TMEM130: variants seen among roughly 807,000 people sequenced by gnomAD.
TMEM130 encodes the protein transmembrane protein 130.
Under a neutral mutation model 42.9 loss-of-function variants are expected in TMEM130, and 37 were observed. That is an observed-to-expected ratio of 0.86 (90% CI 0.66 to 1.13). The LOEUF (loss-of-function observed/expected upper bound fraction) is 1.13, where lower values mean the gene tolerates loss of function less well. Among genes scored for constraint, TMEM130 ranks in the 50% most tolerant of loss-of-function variants. The probability of loss-of-function intolerance (pLI) is 0.00; values close to 1 mark genes in which losing one functional copy is unlikely to be tolerated. For synonymous variants in TMEM130, 259 were observed against 237.7 expected (o/e 1.09, Z -0.82); for missense variants, 545 against 562.6 (o/e 0.97, Z 0.32).
Position 98,850,273 on chromosome 7 carries a change from A to ATTTT in TMEM130, c.1006+1144_1006+1147dup, listed in dbSNP as rs1554398023. Among the ~76,000 whole-genome samples, 41 of 35,474 alleles carry ATTTT rather than the reference A, an allele frequency of 1.2e-3. 1 individual carries two copies. The highest frequency in any genetic ancestry group is 2.9e-3 in the African/African-American group (38 of 13,130). 23.3% of individuals were successfully genotyped at this position (35,474 alleles called of 152,430 possible). On this transcript the variant is annotated intron_variant, in intron 6 of 7. Transcript: ENST00000339375. ...CTCATATATATATATATATATATAT[A>ATTTT]TTTTTTTTTTTTTTTAATTTTTTGA...
chr7:98,869,392 G>A lies in TMEM130; in HGVS notation c.85+385C>T. The A allele has an allele frequency of 8.4e-7, 1 of 1,196,884 alleles. No homozygotes were observed. The highest frequency in any genetic ancestry group is 1.0e-6 in the Non-Finnish European group (1 of 952,456). 74.1% of individuals were successfully genotyped at this position (1,196,884 alleles called of 1,614,324 possible). A position where few individuals can be genotyped will look rare whatever the true frequency, so the allele number is the denominator to read the frequency against. On this transcript the variant is annotated intron_variant, in intron 1 of 7. Transcript: ENST00000339375. The surrounding 1 kb of genome is among the most constrained non-coding windows in gnomAD (Gnocchi z 4.7). Reference sequence around the variant, plus strand: ...ATCCCGTGCTCCCTGGGGGACTGGGGAATTGTGGCGCGATGACGGACCCTG... The same window carrying A: ...ATCCCGTGCTCCCTGGGGGACTGGGAAATTGTGGCGCGATGACGGACCCTG...
chr7:98,857,661 CTG>C (rs1357558870), intron 3 of TMEM130, among the ~76,000 whole-genome samples: 1 of 151,214 alleles, frequency 6.6e-6, no homozygotes, highest in African/African-American at 2.4e-5. Context: ...GATCACGCCA[CTG>C]CACTCCAGCC....
In TMEM130 at chr7:98,869,018, G is replaced by A. The variant is rs1228205242; in HGVS notation, c.85+759C>T. Reference sequence around the variant, plus strand: ...TTTATGAGGGGGGAGGGGGTGAAAAGTGGTGGATAGTATTCAACCTTCTTA... The same window carrying A: ...TTTATGAGGGGGGAGGGGGTGAAAAATGGTGGATAGTATTCAACCTTCTTA... On this transcript the variant is annotated intron_variant, in intron 1 of 7. Coordinates refer to ENST00000339375, the MANE Select transcript of TMEM130 (RefSeq NM_152913.3). The surrounding 1 kb of genome is among the most constrained non-coding windows in gnomAD (Gnocchi z 4.7). 6.6e-6 allele frequency among the ~76,000 whole-genome samples: 1 copy of A among 152,188 alleles called. No homozygotes were observed. The highest frequency in any genetic ancestry group is 1.5e-5 in the Non-Finnish European group (1 of 68,030).
At position 98,869,695 on chromosome 7, in the gene TMEM130, C is replaced by A. The variant is rs973970283; in HGVS notation, c.85+82G>T. On this transcript the variant is annotated intron_variant, in intron 1 of 7. Transcript: ENST00000339375. The surrounding 1 kb of genome is among the most constrained non-coding windows in gnomAD (Gnocchi z 4.7). ...GGTGCCACCTCCGCAATCCCTGCTC[C>A]CGGGCCCACTCGCCCGCTGAGACGG... The A allele has an allele frequency of 3.7e-6, 4 of 1,077,054 alleles. No homozygotes were observed. In the African/African-American group the frequency reaches 6.6e-5, roughly 18 times the overall value. The allele number at this position is 1,077,054 out of a possible 1,614,324, so 66.7% of individuals were successfully genotyped here.
intron 2 of TMEM130, among the ~76,000 whole-genome samples, chr7:98,862,489 T>TTC (rs1333249494): frequency 1.5e-4 from 2 of 13,416 alleles, no homozygotes; most frequent in African/African-American, 1.8e-4. Flanking sequence ...AATAATTTCT[T>TTC]TTTTTTTTTT....
Position 98,846,564 on chromosome 7 carries a change from A to G in TMEM130, c.*1492T>C, listed in dbSNP as rs1160607569. 1.3e-5 allele frequency: 2 copies of G among 152,226 alleles called. No homozygotes were observed. The highest frequency in any genetic ancestry group is 2.4e-5 in the African/African-American group (1 of 41,460). 9.4% of individuals were successfully genotyped at this position (152,226 alleles called of 1,614,324 possible). A position where few individuals can be genotyped will look rare whatever the true frequency, so the allele number is the denominator to read the frequency against. ...AGTATTTCATGAGAATGAGCTGCAC[A>G]ATAGTGTAAATGCCATTTTCTGCAC... On this transcript the variant is annotated 3_prime_UTR_variant, in exon 8 of 8. Transcript: ENST00000339375.
At chr7:98,848,762 C>T in intron 6 of TMEM130, 67 bp from the exon 7 acceptor site, 1 of 1,102,650 alleles carries the variant, frequency 9.1e-7, no homozygotes. Flanking sequence ...TCTCAGGAAG[C>T]AAGCACAACA....
Position 98,864,495 on chromosome 7 carries a change from G to A in TMEM130, c.86-1095C>T, listed in dbSNP as rs182075913. On this transcript the variant is annotated intron_variant, in intron 1 of 7. Coordinates refer to ENST00000339375, the MANE Select transcript of TMEM130 (RefSeq NM_152913.3). ...GCCTCCCAAAGTGCTGGGATTACAG[G>A]CATGAGCCAGCGTCCTCAACCACAT... Among the ~76,000 whole-genome samples the A allele has an allele frequency of 5.7e-4, 85 of 150,378 alleles. 1 individual carries two copies. The highest frequency in any genetic ancestry group is 1.9e-4 in the Non-Finnish European group (13 of 67,776).
intron 1 of TMEM130, 22 bp from the exon 2 acceptor site, chr7:98,863,422 C>A: frequency 6.5e-7 from 1 of 1,547,548 alleles, no homozygotes; most frequent in Non-Finnish European, 8.7e-7. Context: ...GAAACAAAGA[C>A]TGTGTTTCAG....
At chr7:98,867,142 C>T (rs1260349502) in intron 1 of TMEM130, among the ~76,000 whole-genome samples, 1 of 151,990 alleles carries the variant, frequency 6.6e-6, no homozygotes, top group Non-Finnish European at 1.5e-5. Context: ...GTCAAGATGC[C>T]GAGAGCTGGT....
chr7:98,854,755 G>C (rs911620674), intron 5 of TMEM130, among the ~76,000 whole-genome samples: 1 of 151,964 alleles, frequency 6.6e-6, no homozygotes. Context: ...GCAAATAAAG[G>C]CCAGACGCAG....
At chr7:98,859,024 A>C (rs1794695440) in intron 3 of TMEM130, among the ~76,000 whole-genome samples, 1 of 144,282 alleles carries the variant, frequency 6.9e-6, no homozygotes, top group Non-Finnish European at 1.5e-5. Context: ...GGGGGAAGGA[A>C]GGAAGGAAGG....
intron 6 of TMEM130, among the ~76,000 whole-genome samples, chr7:98,850,273 A>ATATATTTTTTTTTTTTTTTTTTTT: frequency 1.7e-4 from 6 of 35,470 alleles, no homozygotes; most frequent in East Asian, 7.7e-4. Flanking sequence ...ATATATATAT[A>ATATATTTTTTTTTTTTTTTTTTTT]TTTTTTTTTT....
At chr7:98,853,163 C>T (rs575242335) in intron 5 of TMEM130, among the ~76,000 whole-genome samples, 1 of 152,142 alleles carries the variant, frequency 6.6e-6, no homozygotes, top group Non-Finnish European at 1.5e-5. Flanking sequence ...CTGCTAAACC[C>T]ACAGGGCTTC....
At chr7:98,855,438 G>T in intron 4 of TMEM130, 114 bp from the exon 5 acceptor site, 1 of 944,616 alleles carries the variant, frequency 1.1e-6, no homozygotes, top group Non-Finnish European at 1.6e-6. Flanking sequence ...CCTCTCCTAA[G>T]AGCAGGCCAC....
At position 98,851,505 on chromosome 7, in the gene TMEM130, G is replaced by A. The variant is rs1554398216; in HGVS notation, c.922C>T (p.Pro308Ser). Reference protein sequence around the residue: ...AYNLTHTFRDPGDYCFSIRAE... With the variant: ...AYNLTHTFRDSGDYCFSIRAE... ...CGGATGCTGAAGCAGTAGTCCCCAG[G>A]GTCCCTGAAGGTGTGGGTCAGGTTG... Residue 308 changes from proline to serine, a missense_variant, in exon 6 of 8, where the codon CCT becomes TCT. Coordinates refer to ENST00000339375, the MANE Select transcript of TMEM130 (RefSeq NM_152913.3). 6.2e-7 allele frequency: 1 copy of A among 1,614,088 alleles called. No individual in the cohort carries two copies. Among genetic ancestry groups the A allele is most frequent in the African/African-American group, 1.3e-5 (1 of 74,992 alleles).
rs1438630651 is a variant in TMEM130, at chr7:98,869,981, G to A, written c.-120C>T. 1.7e-6 allele frequency: 1 copy of A among 603,734 alleles called. No individual in the cohort carries two copies. The highest frequency in any genetic ancestry group is 2.4e-6 in the Non-Finnish European group (1 of 418,980). 37.4% of individuals were successfully genotyped at this position (603,734 alleles called of 1,614,324 possible). The stretch of plus-strand genomic sequence containing the variant: ...GCGGGCGGTGCGGGGAGGTGCGGGC[G>A]CCGTGCTCGCTCGTCCTCGCCGGGG... On this transcript the variant is annotated 5_prime_UTR_variant, in exon 1 of 8. Coordinates refer to ENST00000339375, the MANE Select transcript of TMEM130 (RefSeq NM_152913.3). The surrounding 1 kb of genome is among the most constrained non-coding windows in gnomAD (Gnocchi z 4.7).
chr7:98,856,020 G>T lies in TMEM130; in HGVS notation c.715C>A (p.Gln239Lys). Residue 239 changes from glutamine (Q) to lysine (K), a missense_variant, in exon 4 of 8, where the codon CAG (glutamine) becomes AAG (lysine). By Grantham distance (53) the Gln-to-Lys change is moderately conservative. Coordinates refer to ENST00000339375, the MANE Select transcript of TMEM130 (RefSeq NM_152913.3). ...TGDFSASLKL[Q>K]ETLRGIQVLG... ...ATCAGCCTGCCTGGACACCCACCCT[G>T]CAGCTTCAGCGAGGCGGAGAAGTCC... 1 of 1,612,446 alleles carries T rather than the reference G, an allele frequency of 6.2e-7. No homozygotes were observed.
chr7:98,857,723 CTTTT>C (rs781912154), intron 3 of TMEM130, among the ~76,000 whole-genome samples: 9 of 82,258 alleles, frequency 1.1e-4, no homozygotes, highest in Non-Finnish European at 1.4e-4. Context: ...AAAACACATC[CTTTT>C]TTTTTTTTTT....
Sources: gnomAD v4.1 joint callset for allele counts (sites outside exome capture counted in the v4.1 genomes callset) on GRCh38, gnomAD v4.1.1 for gene constraint, Gnocchi (gnomAD v3.1) non-coding constraint, MANE v1.5 for transcripts, NCBI Gene and HGNC (gene_info 2026-07-23, HGNC 2026-07-21) for gene names.